IFRD2: variants seen among roughly 807,000 people sequenced by gnomAD.
The protein encoded by IFRD2 is interferon-related developmental regulator 2.
In IFRD2, 35 loss-of-function variants were observed where a neutral mutation model predicts 49.2. The observed-to-expected ratio is 0.71, with a 90% CI of 0.54 to 0.94. IFRD2 has a LOEUF of 0.94. IFRD2 is among the 40% of genes least tolerant of loss of function. The pLI, the probability that IFRD2 is intolerant of heterozygous loss-of-function variation, is 0.00. For missense variants in IFRD2, 561 were observed against 591.6 expected, an observed-to-expected ratio of 0.95 and a Z score of 0.54; for synonymous variants, 275 against 239.7, an observed-to-expected ratio of 1.15 and a Z score of -1.36.
chr3:50,291,494 A>G (rs1701672122), intron 1 of IFRD2, among the ~76,000 whole-genome samples: 1 of 152,026 alleles, frequency 6.6e-6, no homozygotes, highest in Non-Finnish European at 1.5e-5. Flanking sequence ...TGGGGCTGAC[A>G]CCACTCAGTG....
At position 50,290,433 on chromosome 3, in the gene IFRD2, AG is replaced by A; in HGVS notation, c.217del (p.Glu74ArgfsTer4). 1 of 1,578,728 alleles carries A rather than the reference AG, an allele frequency of 6.3e-7. No individual in the cohort carries two copies. The highest frequency in any genetic ancestry group is 8.6e-7 in the Non-Finnish European group (1 of 1,161,328). On this transcript the variant is annotated frameshift_variant, in exon 3 of 12. Transcript: ENST00000417626. LOFTEE classifies it high-confidence loss of function. ...VVDEQGQQEDLEEKLKEYVDC... is the reference protein window; with the variant it reads ...VVDEQGQQEDXEEKLKEYVDC... ...CACATACTCCTTCAGCTTTTCCTCA[AG>A]GTCTTCCTGCTGGCCCTGCTCATCC...
At position 50,288,157 on chromosome 3, in the gene IFRD2, G is replaced by T; in HGVS notation, c.*34C>A. ...TCTTCTGTTAAAAATACGGACCAAGGGCATAGAAAGTCTCCTCTTCAGCAG... is the reference window on the plus strand; with the variant it reads ...TCTTCTGTTAAAAATACGGACCAAGTGCATAGAAAGTCTCCTCTTCAGCAG... On this transcript the variant is annotated 3_prime_UTR_variant, in exon 12 of 12. Transcript: ENST00000417626. 6.5e-7 allele frequency: 1 copy of T among 1,549,098 alleles called. No homozygotes were observed. Among genetic ancestry groups the T allele is most frequent in the East Asian group, 2.3e-5 (1 of 44,186 alleles).
At position 50,290,276 on chromosome 3, in the gene IFRD2, A is replaced by G; in HGVS notation, c.282T>C (p.Gly94=). The part of the protein sequence containing the change: ...LTDKSAKTRQ[G]ALESLRLALA... Reference sequence around the variant, plus strand: ...GGGCCAGGCGCAGGCTCTCAAGAGCACCCTGCCGGGTCTTGGCACTGGGGG... The same window carrying G: ...GGGCCAGGCGCAGGCTCTCAAGAGCGCCCTGCCGGGTCTTGGCACTGGGGG... The change falls in exon 4 of 12, where the codon GGT becomes GGC. Residue 94 remains glycine, a synonymous_variant. Transcript: ENST00000417626. The G allele has an allele frequency of 6.2e-7, 1 of 1,611,266 alleles. No individual in the cohort carries two copies. Among genetic ancestry groups the G allele is most frequent in the African/African-American group, 1.3e-5 (1 of 74,988 alleles).
chr3:50,292,393 C>T lies in IFRD2; in HGVS notation c.-119G>A, dbSNP rs1426191034. 1.9e-6 allele frequency: 3 copies of T among 1,587,654 alleles called. No homozygotes were observed. Among genetic ancestry groups the T allele is most frequent in the African/African-American group, 1.3e-5 (1 of 74,408 alleles). ...TTGGCCAGACGACGGGAGCCACACG[C>T]CACGCGCGCCACCATCTTCGCGAGG... On this transcript the variant is annotated 5_prime_UTR_variant, in exon 1 of 12. Transcript: ENST00000417626.
chr3:50,288,370 G>A (rs1553708936), intron 11 of IFRD2, 39 bp downstream of exon 11: 1 of 1,604,654 alleles, frequency 6.2e-7, no homozygotes, highest in Non-Finnish European at 8.5e-7. Context: ...TCCAGGAAAT[G>A]GGAATAGGGG....
At chr3:50,289,015 T>C in intron 8 of IFRD2, 78 bp from the exon 9 acceptor site, 1 of 1,543,830 alleles carries the variant, frequency 6.5e-7, no homozygotes, top group Non-Finnish European at 8.8e-7. Flanking sequence ...CCCAAACCCC[T>C]CCTTTCACTG....
chr3:50,290,569 C>T lies in IFRD2; in HGVS notation c.169G>A (p.Asp57Asn), dbSNP rs781877039. 16 of 1,613,970 alleles carry T rather than the reference C, an allele frequency of 9.9e-6. No individual in the cohort carries two copies. The highest frequency in any genetic ancestry group is 1.6e-4 in the Middle Eastern group (1 of 6,062). ...TTCCACCCGCTCTCACCAAGGCTGT[C>T]CTCTGCAGTGGTGCTGAGAAGGCTG... Reference protein sequence around the residue: ...CPSLLSTTAEDSLGGDVVDEQ... With the variant: ...CPSLLSTTAENSLGGDVVDEQ... The change falls in exon 2 of 12, where the codon GAC becomes AAC. Residue 57 changes from aspartate to asparagine, a missense_variant. Asp to Asn is a conservative substitution (Grantham distance 23). Coordinates refer to ENST00000417626, the MANE Select transcript of IFRD2 (RefSeq NM_006764.5).
rs782103436 is a variant in IFRD2, at chr3:50,288,827, A to G, written c.996T>C (p.Thr332=). ...CCACGGAGTGCAGCACGGCGCGGAAAGTAGAGCGCTGGCGCCGACGATCAG... is the reference window on the plus strand; with the variant it reads ...CCACGGAGTGCAGCACGGCGCGGAAGGTAGAGCGCTGGCGCCGACGATCAG... ...AKADRRRQRS[T]FRAVLHSVEG... is the part of the protein sequence containing the mutation. The change falls in exon 9 of 12, where the codon ACT becomes ACC. Residue 332 remains threonine (T), a synonymous_variant. Transcript: ENST00000417626. The G allele has an allele frequency of 6.2e-7, 1 of 1,613,494 alleles. No individual in the cohort carries two copies. Among genetic ancestry groups the G allele is most frequent in the South Asian group, 1.1e-5 (1 of 91,002 alleles).
chr3:50,287,965 G>A lies in IFRD2; in HGVS notation c.*226C>T, dbSNP rs887442363. ...CAGCCCTGAGGAAGGCACATATTTA[G>A]CCTGGCCTGAGACAGGACAGGAAGG... On this transcript the variant is annotated 3_prime_UTR_variant, in exon 12 of 12. Coordinates refer to ENST00000417626, the MANE Select transcript of IFRD2 (RefSeq NM_006764.5). The A allele has an allele frequency of 3.6e-6, 2 of 556,044 alleles. No individual in the cohort carries two copies. Among genetic ancestry groups the A allele is most frequent in the Non-Finnish European group, 6.5e-6 (2 of 308,794 alleles). 34.4% of individuals were successfully genotyped at this position (556,044 alleles called of 1,614,324 possible). A position where few individuals can be genotyped will look rare whatever the true frequency, so the allele number is the denominator to read the frequency against.
rs372756768 is a variant in IFRD2, at chr3:50,288,591, G to A, written c.1144C>T (p.His382Tyr). 1.1e-4 allele frequency: 175 copies of A among 1,613,978 alleles called. No homozygotes were observed. Among genetic ancestry groups the A allele is most frequent in the South Asian group, 2.9e-4 (26 of 91,086 alleles). The change falls in exon 10 of 12, where the codon CAC becomes TAC. Residue 382 changes from histidine to tyrosine, a missense_variant. Coordinates refer to ENST00000417626, the MANE Select transcript of IFRD2 (RefSeq NM_006764.5). ...KEVLGSGMHHHLQNNELLRDI... is the reference protein window; with the variant it reads ...KEVLGSGMHHYLQNNELLRDI... ...CCTGTCCGTCCCCGCACCTGGAGGT[G>A]GTGGTGCATGCCCGAACCCAGCACT...
In IFRD2 at chr3:50,288,394, C is replaced by T; in HGVS notation, c.1248+15G>A. The T allele has an allele frequency of 6.2e-7, 1 of 1,609,736 alleles. No individual in the cohort carries two copies. The highest frequency in any genetic ancestry group is 8.5e-7 in the Non-Finnish European group (1 of 1,177,852). The stretch of plus-strand genomic sequence containing the variant: ...TGGGAATAGGGGGAAGAGAAAGGTG[C>T]CCAAGGGTGCAAACCTTCTCAAAGC... On this transcript the variant is annotated intron_variant, in intron 11 of 11. Coordinates refer to ENST00000417626, the MANE Select transcript of IFRD2 (RefSeq NM_006764.5).
At position 50,292,389 on chromosome 3, in the gene IFRD2, C is replaced by T. The variant is rs782698182; in HGVS notation, c.-115G>A. ...AGACTTGGCCAGACGACGGGAGCCA[C>T]ACGCCACGCGCGCCACCATCTTCGC... is the stretch of plus-strand genomic sequence containing the variant. On this transcript the variant is annotated 5_prime_UTR_variant, in exon 1 of 12. In the 5' UTR this introduces an upstream ATG that the reference lacks. Transcript: ENST00000417626. The T allele has an allele frequency of 6.3e-7, 1 of 1,586,040 alleles. No individual in the cohort carries two copies. The highest frequency in any genetic ancestry group is 1.1e-5 in the South Asian group (1 of 88,788).
Position 50,290,370 on chromosome 3 carries a change from G to C in IFRD2, c.263+18C>G. On this transcript the variant is annotated intron_variant, in intron 3 of 11. Coordinates refer to ENST00000417626, the MANE Select transcript of IFRD2 (RefSeq NM_006764.5). ...CACTTGGAGCTGGGTGTAGGAGTTG[G>C]CTGGCAGCCAGGGGTACCTCTTGTC... 6.3e-7 allele frequency: 1 copy of C among 1,590,614 alleles called. No individual in the cohort carries two copies. Among genetic ancestry groups the C allele is most frequent in the South Asian group, 1.1e-5 (1 of 87,904 alleles).
Position 50,290,558 on chromosome 3 carries a change from AC to A in IFRD2, c.178+1del, listed in dbSNP as rs1425397275. 2 of 1,613,734 alleles carry A rather than the reference AC, an allele frequency of 1.2e-6. No individual in the cohort carries two copies. The highest frequency in any genetic ancestry group is 1.7e-6 in the Non-Finnish European group (2 of 1,179,820). On this transcript the variant is annotated splice_donor_variant, in intron 2 of 11. Coordinates refer to ENST00000417626, the MANE Select transcript of IFRD2 (RefSeq NM_006764.5). LOFTEE classifies it high-confidence loss of function. The stretch of plus-strand genomic sequence containing the variant: ...CCCTGTCAAACTTCCACCCGCTCTC[AC>A]CAAGGCTGTCCTCTGCAGTGGTGCT...
intron 1 of IFRD2, 47 bp downstream of exon 1, chr3:50,292,170 C>G (rs2109278531): frequency 7.0e-7 from 1 of 1,434,762 alleles, no homozygotes; most frequent in Non-Finnish European, 9.1e-7. Flanking sequence ...CAGCAGGACC[C>G]CCGCCCGCCG....
In IFRD2 at chr3:50,292,349, C is replaced by T. The variant is rs1553709949; in HGVS notation, c.-75G>A. Reference sequence around the variant, plus strand: ...GGCTCCAGGCCAACGAGACGCCGGCCGGTGCGCTGCGCTGAGACTTGGCCA... The same window carrying T: ...GGCTCCAGGCCAACGAGACGCCGGCTGGTGCGCTGCGCTGAGACTTGGCCA... On this transcript the variant is annotated 5_prime_UTR_variant, in exon 1 of 12. Coordinates refer to ENST00000417626, the MANE Select transcript of IFRD2 (RefSeq NM_006764.5). The T allele has an allele frequency of 1.3e-6, 2 of 1,566,844 alleles. No homozygotes were observed. Among genetic ancestry groups the T allele is most frequent in the East Asian group, 2.4e-5 (1 of 42,278 alleles).
chr3:50,289,936 CG>C lies in IFRD2; in HGVS notation c.538del (p.Arg180GlyfsTer29). On this transcript the variant is annotated frameshift_variant, in exon 5 of 12. Transcript: ENST00000417626. LOFTEE classifies it high-confidence loss of function. Reference protein sequence around the residue: ...LSDSTASPAARLHCASALGLG... With the variant: ...LSDSTASPAAXLHCASALGLG... ...GGGCACAGGCACACTCACGTGGAGC[CG>C]GGCAGCAGGGCTAGCTGTGCTGTCA... is the stretch of plus-strand genomic sequence containing the variant. 6.2e-7 allele frequency: 1 copy of C among 1,613,038 alleles called. No individual in the cohort carries two copies. The highest frequency in any genetic ancestry group is 8.5e-7 in the Non-Finnish European group (1 of 1,179,592).
rs1288936398 is a variant in IFRD2, at chr3:50,289,563, G to A, written c.663C>T (p.Ser221=). ...VFSRFYGLGG[S]STSPVVPASL... is the part of the protein sequence containing the mutation. ...TGGCAGGAACCACAGGACTTGTGGA[G>A]CTGCCCCCCAAGCCATAGAACCGGC... Residue 221 remains serine, a synonymous_variant, in exon 7 of 12, where the codon AGC becomes AGT. Transcript: ENST00000417626. 10 of 1,581,568 alleles carry A rather than the reference G, an allele frequency of 6.3e-6. No individual in the cohort carries two copies. Among genetic ancestry groups the A allele is most frequent in the South Asian group, 1.2e-5 (1 of 86,624 alleles).
Position 50,288,272 on chromosome 3 carries a change from C to G in IFRD2, c.1249-1G>C. ...TGAAGGCAGCAGCATTGTACAGGTG[C>G]TAGAGTGGGGACAGAGAGTGACACC... On this transcript the variant is annotated splice_acceptor_variant, in intron 11 of 11. Coordinates refer to ENST00000417626, the MANE Select transcript of IFRD2 (RefSeq NM_006764.5). LOFTEE classifies it high-confidence loss of function. The G allele has an allele frequency of 6.2e-7, 1 of 1,613,716 alleles. No homozygotes were observed. Among genetic ancestry groups the G allele is most frequent in the Non-Finnish European group, 8.5e-7 (1 of 1,179,724 alleles).
Sources: allele counts gnomAD v4.1 joint callset (sites outside exome capture counted in the v4.1 genomes callset), GRCh38; gene constraint gnomAD v4.1.1; transcripts MANE v1.5; gene names NCBI Gene and HGNC (gene_info 2026-07-23, HGNC 2026-07-21).